NBAS: variants seen among roughly 807,000 people sequenced by gnomAD.
The protein encoded by NBAS is NBAS subunit of NRZ tethering complex, also known as NAG/BC035112 fusion.
Under a neutral mutation model 302.5 loss-of-function variants are expected in NBAS, and 219 were observed. The observed-to-expected ratio is 0.72, with a 90% CI of 0.65 to 0.81. The LOEUF (loss-of-function observed/expected upper bound fraction) is 0.81. Among genes scored for constraint, NBAS ranks in the 30% least tolerant of loss-of-function variants. NBAS has a pLI of 0.00. For missense variants in NBAS, 2,932 were observed against 2,841.6 expected, an observed-to-expected ratio of 1.03 and a Z score of -0.72; for synonymous variants, 1,118 against 1,021.6, an observed-to-expected ratio of 1.09 and a Z score of -1.80.
At chr2:15,340,571 G>C (rs996351794) in intron 35 of NBAS, among the ~76,000 whole-genome samples, 2 of 152,126 alleles carry the variant, frequency 1.3e-5, no homozygotes, top group Non-Finnish European at 2.9e-5. Flanking sequence ...CCGGAACTCA[G>C]AAGAGAGGTC....
the NBAS span, among the ~76,000 whole-genome samples, chr2:14,797,216 G>A: frequency 2.0e-5 from 3 of 151,986 alleles, no homozygotes; most frequent in Non-Finnish European, 2.9e-5. Flanking sequence ...ACCCCTCTCC[G>A]CTGAGAGATG....
At chr2:15,389,612 G>A (rs973371456) in intron 28 of NBAS, among the ~76,000 whole-genome samples, 1 of 152,044 alleles carries the variant, frequency 6.6e-6, no homozygotes, top group Non-Finnish European at 1.5e-5. Context: ...GGATCAAGGG[G>A]GAACTTCCAA....
intron 6 of NBAS, among the ~76,000 whole-genome samples, chr2:15,544,283 C>T (rs1663996629): frequency 6.6e-6 from 1 of 151,758 alleles, no homozygotes; most frequent in Admixed American, 6.6e-5. Context: ...AGAGAAAAAC[C>T]TTAACAATTC....
the NBAS span, among the ~76,000 whole-genome samples, chr2:15,043,217 G>T: frequency 6.6e-6 from 1 of 152,228 alleles, no homozygotes; most frequent in South Asian, 2.1e-4. Context: ...GGAATTGGAG[G>T]TTACACAAGG....
chr2:15,402,430 T>C, intron 25 of NBAS, 129 bp from the exon 26 acceptor site: 2 of 905,318 alleles, frequency 2.2e-6, no homozygotes, highest in Non-Finnish European at 3.5e-6. Context: ...GTCTTGATTT[T>C]TCTTTATAGA....
At chr2:15,467,487 T>C (rs201379480) in intron 18 of NBAS, 80 bp from the exon 19 acceptor site, 4 of 1,382,158 alleles carry the variant, frequency 2.9e-6, no homozygotes, top group Non-Finnish European at 3.1e-6. Context: ...ATGATTAATA[T>C]TCCGTTGAGC....
intron 47 of NBAS, among the ~76,000 whole-genome samples, chr2:15,232,000 C>A (rs4668886): frequency 0.11 from 16,381 of 152,150 alleles, 1,161 homozygotes; most frequent in East Asian, 0.31. Context: ...CACTTTGAGT[C>A]CTAAAACAAA....
chr2:14,809,618 C>T, the NBAS span, among the ~76,000 whole-genome samples: 2 of 152,224 alleles, frequency 1.3e-5, no homozygotes. Context: ...TAATGCAGAA[C>T]CTGTGCTAGG....
the NBAS span, among the ~76,000 whole-genome samples, chr2:14,948,284 T>A: frequency 6.6e-6 from 1 of 152,090 alleles, no homozygotes; most frequent in African/African-American, 2.4e-5. Flanking sequence ...GAATTTATTT[T>A]AGTTATTCCT....
chr2:14,847,663 T>C, the NBAS span, among the ~76,000 whole-genome samples: 852 of 152,234 alleles, frequency 5.6e-3, 7 homozygotes, highest in African/African-American at 0.019. Flanking sequence ...GCTAAGGAGA[T>C]AGATAGACTC....
the NBAS span, among the ~76,000 whole-genome samples, chr2:14,975,607 CATA>C: frequency 1.3e-5 from 2 of 152,146 alleles, no homozygotes; most frequent in Admixed American, 6.5e-5. Context: ...AGATGACTAA[CATA>C]ATGAGTCACT....
At chr2:15,397,402 T>C in intron 26 of NBAS, 1 of 326,694 alleles carries the variant, frequency 3.1e-6, no homozygotes, top group South Asian at 4.5e-5. Context: ...CTCCAGAGAA[T>C]AATCTGTCTG....
the NBAS span, among the ~76,000 whole-genome samples, chr2:14,938,686 T>C: frequency 6.6e-6 from 1 of 152,204 alleles, no homozygotes; most frequent in Non-Finnish European, 1.5e-5. Flanking sequence ...AAAGCAATTG[T>C]ACCCATATAA....
At chr2:14,787,400 C>G in the NBAS span, among the ~76,000 whole-genome samples, 2 of 152,166 alleles carry the variant, frequency 1.3e-5, no homozygotes, top group African/African-American at 4.8e-5. Flanking sequence ...TTAGTTGATG[C>G]AGTTTCTTCC....
intron 37 of NBAS, 82 bp downstream of exon 37, chr2:15,328,117 T>A: frequency 7.2e-7 from 1 of 1,379,732 alleles, no homozygotes; most frequent in East Asian, 2.3e-5. Flanking sequence ...TAAGTATATT[T>A]TCAAGAAAAT....
At chr2:14,937,118 G>A in the NBAS span, among the ~76,000 whole-genome samples, 1 of 152,210 alleles carries the variant, frequency 6.6e-6, no homozygotes, top group South Asian at 2.1e-4. Context: ...CAACAGGGCA[G>A]GGAAGTAGGA....
chr2:14,952,402 T>C, the NBAS span, among the ~76,000 whole-genome samples: 1 of 152,202 alleles, frequency 6.6e-6, no homozygotes, highest in Non-Finnish European at 1.5e-5. Flanking sequence ...CTTTGGAAAT[T>C]TGCTCATGCA....
At chr2:15,075,632 C>G in the NBAS span, among the ~76,000 whole-genome samples, 1 of 152,184 alleles carries the variant, frequency 6.6e-6, no homozygotes, top group African/African-American at 2.4e-5. Flanking sequence ...TGTGAGTCCC[C>G]AAAATCCCTT....
intron 12 of NBAS, among the ~76,000 whole-genome samples, chr2:15,482,550 A>G (rs984744818): frequency 2.6e-5 from 4 of 152,126 alleles, no homozygotes; most frequent in Non-Finnish European, 4.4e-5. Flanking sequence ...TAGAAGAGGT[A>G]TCACACCTTT....
Sources: gnomAD v4.1 joint callset for allele counts (sites outside exome capture counted in the v4.1 genomes callset) on GRCh38, gnomAD v4.1.1 for gene constraint, MANE v1.5 for transcripts, NCBI Gene and HGNC (gene_info 2026-07-23, HGNC 2026-07-21) for gene names.